ANKK1: variants seen among roughly 807,000 people sequenced by gnomAD.
ANKK1 encodes ankyrin repeat and protein kinase domain-containing protein 1.
In ANKK1, 37 loss-of-function variants were observed where a neutral mutation model predicts 37.6. The observed-to-expected ratio is 0.98, with a 90% CI of 0.76 to 1.29. The LOEUF is 1.29. ANKK1 is among the 50% of genes most tolerant of loss of function. The probability of loss-of-function intolerance (pLI) is 0.00; values close to 1 mark genes in which losing one functional copy is unlikely to be tolerated. For synonymous variants in ANKK1, 415 were observed against 418.7 expected (o/e 0.99, Z 0.11); for missense variants, 1,019 against 990.6 (o/e 1.03, Z -0.39).
chr11:113,397,880 C>T, intron 6 of ANKK1, 100 bp from the exon 7 acceptor site: 1 of 1,334,926 alleles, frequency 7.5e-7, no homozygotes, highest in South Asian at 1.3e-5. Flanking sequence ...TGAGTCCTGA[C>T]AGTGACCGGG....
chr11:113,399,857 C>T lies in ANKK1; in HGVS notation c.1888C>T (p.Leu630=), dbSNP rs773785910. The change falls in exon 8 of 8, where the codon CTG becomes TTG. Residue 630 remains leucine (L), a synonymous_variant. Transcript: ENST00000303941. ...TCTTGGAGCTGTGAACTGGACTCCCCTGCACCTAGCTGCACGCCACGGGGA... is the reference window on the plus strand; with the variant it reads ...TCTTGGAGCTGTGAACTGGACTCCCTTGCACCTAGCTGCACGCCACGGGGA... ...GALGAVNWTP[L]HLAARHGEEA... The T allele has an allele frequency of 1.4e-5, 22 of 1,612,068 alleles. No homozygotes were observed. The highest frequency in any genetic ancestry group is 1.9e-5 in the Non-Finnish European group (22 of 1,179,434).
rs1486638503 is a variant in ANKK1 at position 113,399,626 on chromosome 11, C to G, written c.1657C>G (p.Pro553Ala). 1 of 1,606,292 alleles carries G rather than the reference C, an allele frequency of 6.2e-7. No individual in the cohort carries two copies. The highest frequency in any genetic ancestry group is 8.5e-7 in the Non-Finnish European group (1 of 1,176,690). The change falls in exon 8 of 8, where the codon CCT (proline) becomes GCT (alanine). Residue 553 changes from proline (P) to alanine (A), a missense_variant. By Grantham distance (27) the Pro-to-Ala change is conservative. Coordinates refer to ENST00000303941, the MANE Select transcript of ANKK1 (RefSeq NM_178510.2). The stretch of plus-strand genomic sequence containing the variant: ...ACACCTGCTGAAGAGTGGAGCGGTC[C>G]CTGATGCCCTTGACCAGAGCGGCTA... ...IQHLLKSGAVPDALDQSGYGP... is the reference protein window; with the variant it reads ...IQHLLKSGAVADALDQSGYGP...
At chr11:113,398,314 TAAA>T (rs10585601) in intron 7 of ANKK1, among the ~76,000 whole-genome samples, 335 of 128,134 alleles carry the variant, frequency 2.6e-3, no homozygotes, top group Admixed American at 3.0e-3. Flanking sequence ...CTCGGGAAAT[TAAA>T]AAAAAAAAAA....
At position 113,400,093 on chromosome 11, in the gene ANKK1, C is replaced by G; in HGVS notation, c.2124C>G (p.Leu708=). 6.2e-7 allele frequency: 1 copy of G among 1,613,408 alleles called. No homozygotes were observed. The highest frequency in any genetic ancestry group is 8.5e-7 in the Non-Finnish European group (1 of 1,179,812). ...LAALKGNTAI[L]KVLVEAGAQL... ...CCCTCAAGGGCAACACAGCCATCCT[C>G]AAAGTGCTGGTCGAGGCAGGCGCCC... is the stretch of plus-strand genomic sequence containing the variant. Residue 708 remains leucine, a synonymous_variant, in exon 8 of 8, where the codon CTC becomes CTG. Transcript: ENST00000303941.
chr11:113,397,893 G>A, intron 6 of ANKK1, 87 bp from the exon 7 acceptor site: 1 of 1,430,958 alleles, frequency 7.0e-7, no homozygotes, highest in Non-Finnish European at 9.6e-7. Flanking sequence ...TGACCGGGAA[G>A]GTTGGAGAGA....
chr11:113,387,814 C>T lies in ANKK1; in HGVS notation c.-71C>T. 1.3e-5 allele frequency: 18 copies of T among 1,415,312 alleles called. No homozygotes were observed. Among genetic ancestry groups the T allele is most frequent in the Admixed American group, 2.6e-5 (1 of 39,152 alleles). 87.7% of individuals were successfully genotyped at this position (1,415,312 alleles called of 1,614,324 possible). A position where few individuals can be genotyped will look rare whatever the true frequency, so the allele number is the denominator to read the frequency against. ...CCCGGACCCGAGGAGCAGGAAGCGGCGGCTCCTTCGGCCACCCAGGCAGCA... is the reference window on the plus strand; with the variant it reads ...CCCGGACCCGAGGAGCAGGAAGCGGTGGCTCCTTCGGCCACCCAGGCAGCA... On this transcript the variant is annotated 5_prime_UTR_variant, in exon 1 of 8. Coordinates refer to ENST00000303941, the MANE Select transcript of ANKK1 (RefSeq NM_178510.2).
In ANKK1 at chr11:113,387,915, G is replaced by C. The variant is rs765090507; in HGVS notation, c.31G>C (p.Gly11Arg). Residue 11 changes from glycine to arginine, a missense_variant, in exon 1 of 8, where the codon GGC becomes CGC. Gly to Arg is a moderately radical substitution (Grantham distance 125). Coordinates refer to ENST00000303941, the MANE Select transcript of ANKK1 (RefSeq NM_178510.2). MAADPTELRLGSLPVFTRDDF... is the reference protein window; with the variant it reads MAADPTELRLRSLPVFTRDDF... Reference sequence around the variant, plus strand: ...TGCCGACCCCACCGAGCTGCGGCTGGGCAGCCTCCCCGTCTTCACCCGCGA... The same window carrying C: ...TGCCGACCCCACCGAGCTGCGGCTGCGCAGCCTCCCCGTCTTCACCCGCGA... 1.9e-6 allele frequency: 3 copies of C among 1,564,006 alleles called. No homozygotes were observed. Among genetic ancestry groups the C allele is most frequent in the Non-Finnish European group, 2.6e-6 (3 of 1,159,496 alleles).
In ANKK1 at chr11:113,400,366, G is replaced by A; in HGVS notation, c.*99G>A. On this transcript the variant is annotated 3_prime_UTR_variant, in exon 8 of 8. Transcript: ENST00000303941. ...GATATCAAGAGTTTGAGGCCAGCCT[G>A]GCCAACATGGCAAAACCCTGTCTCT... The A allele has an allele frequency of 8.3e-7, 1 of 1,199,254 alleles. No individual in the cohort carries two copies. Among genetic ancestry groups the A allele is most frequent in the Non-Finnish European group, 1.1e-6 (1 of 882,044 alleles). 74.3% of individuals were successfully genotyped at this position (1,199,254 alleles called of 1,614,324 possible).
chr11:113,393,309 C>T (rs534277847), intron 1 of ANKK1, among the ~76,000 whole-genome samples, 172 bp from the exon 2 acceptor site: 4 of 152,230 alleles, frequency 2.6e-5, no homozygotes, highest in South Asian at 4.1e-4. Context: ...GAAATCTAAG[C>T]GGCCTGCTAA....
In ANKK1 at chr11:113,397,329, G is replaced by A. The variant is rs530059726; in HGVS notation, c.944G>A (p.Arg315His). ...ARKVSCKLSL[R>H]QPGEVNEDIS... Reference sequence around the variant, plus strand: ...AAGGTGTCCTGCAAGCTGTCGCTGCGCCAGCCCGGGGAGGTGAGTGTGTGG... The same window carrying A: ...AAGGTGTCCTGCAAGCTGTCGCTGCACCAGCCCGGGGAGGTGAGTGTGTGG... Residue 315 changes from arginine to histidine, a missense_variant, in exon 6 of 8, where the codon CGC becomes CAC. Arg to His is a conservative substitution (Grantham distance 29). Transcript: ENST00000303941. 4.6e-5 allele frequency: 74 copies of A among 1,612,402 alleles called. No homozygotes were observed. Among genetic ancestry groups the A allele is most frequent in the Middle Eastern group, 3.3e-4 (2 of 6,056 alleles).
chr11:113,393,403 G>T (rs1162629633), intron 1 of ANKK1, 78 bp from the exon 2 acceptor site: 3 of 1,460,370 alleles, frequency 2.1e-6, no homozygotes, highest in Non-Finnish European at 1.9e-6. Context: ...TGGCATCATG[G>T]CTAGTTTATG....
In ANKK1 at chr11:113,400,089, T is replaced by C; in HGVS notation, c.2120T>C (p.Ile707Thr). ...GCCGCCCTCAAGGGCAACACAGCCA[T>C]CCTCAAAGTGCTGGTCGAGGCAGGC... ...HLAALKGNTA[I>T]LKVLVEAGAQ... Residue 707 changes from isoleucine (I) to threonine (T), a missense_variant, in exon 8 of 8, where the codon ATC (isoleucine) becomes ACC (threonine). Physicochemically the swap from Ile to Thr is moderately conservative, Grantham distance 89 (BLOSUM62 -1). Coordinates refer to ENST00000303941, the MANE Select transcript of ANKK1 (RefSeq NM_178510.2). 1 of 1,613,416 alleles carries C rather than the reference T, an allele frequency of 6.2e-7. No individual in the cohort carries two copies. The highest frequency in any genetic ancestry group is 8.5e-7 in the Non-Finnish European group (1 of 1,179,824).
At chr11:113,389,521 G>A (rs971813732) in intron 1 of ANKK1, among the ~76,000 whole-genome samples, 21 of 152,190 alleles carry the variant, frequency 1.4e-4, no homozygotes, top group African/African-American at 4.8e-4. Flanking sequence ...GGGGGAGGAA[G>A]ACATTAACCA....
chr11:113,394,884 A>T (rs1950623897), intron 2 of ANKK1, 45 bp from the exon 3 acceptor site: 12 of 1,601,548 alleles, frequency 7.5e-6, no homozygotes, highest in Non-Finnish European at 1.0e-5. Flanking sequence ...TTTTCTGGTC[A>T]TGAGGCTCTA....
chr11:113,388,219 G>A (rs2138117500), intron 1 of ANKK1, 150 bp downstream of exon 1: 1 of 1,084,496 alleles, frequency 9.2e-7, no homozygotes, highest in South Asian at 1.9e-5. Context: ...AGTAGCCTGA[G>A]CCTCCCAGGC....
intron 1 of ANKK1, among the ~76,000 whole-genome samples, chr11:113,391,612 C>T (rs1421747613): frequency 6.6e-6 from 1 of 152,016 alleles, no homozygotes; most frequent in African/African-American, 2.4e-5. Flanking sequence ...GAAGATGACA[C>T]CAGGGTCCTA....
Position 113,398,944 on chromosome 11 carries a change from C to T in ANKK1, c.995-20C>T, listed in dbSNP as rs1294950274. 1 of 1,542,678 alleles carries T rather than the reference C, an allele frequency of 6.5e-7. No homozygotes were observed. Among genetic ancestry groups the T allele is most frequent in the Non-Finnish European group, 8.7e-7 (1 of 1,143,294 alleles). ...ACGGGTCACAGGTCTTTTTTTTCAA[C>T]CCCATCTTTCTCCCAGCAGACTCAG... On this transcript the variant is annotated intron_variant, in intron 7 of 7. Coordinates refer to ENST00000303941, the MANE Select transcript of ANKK1 (RefSeq NM_178510.2).
chr11:113,391,362 G>C (rs1172187682), intron 1 of ANKK1, among the ~76,000 whole-genome samples: 1 of 152,248 alleles, frequency 6.6e-6, no homozygotes, highest in African/African-American at 2.4e-5. Flanking sequence ...AGAGCCATTG[G>C]AGAAGGGCAG....
In ANKK1 at chr11:113,397,950, C is replaced by G. The variant is rs558454981; in HGVS notation, c.958-30C>G. 2.6e-6 allele frequency: 4 copies of G among 1,554,680 alleles called. No individual in the cohort carries two copies. The South Asian group carries it at 4.8e-5, about 18-fold the overall frequency. ...CAGGCTAGAACTGCGCCACTGATCT[C>G]CACCCTGCCTGCTGGTTATGCCTCC... On this transcript the variant is annotated intron_variant, in intron 6 of 7. Transcript: ENST00000303941.
Sources: allele counts gnomAD v4.1 joint callset (sites outside exome capture counted in the v4.1 genomes callset), GRCh38; gene constraint gnomAD v4.1.1; transcripts MANE v1.5; gene names NCBI Gene and HGNC (gene_info 2026-07-23, HGNC 2026-07-21).